ZMAT4: variants seen among roughly 807,000 people sequenced by gnomAD.
ZMAT4 encodes zinc finger matrin-type protein 4.
Under a neutral mutation model 28.7 loss-of-function variants are expected in ZMAT4, and 17 were observed. The ratio of observed to expected loss-of-function variants is 0.59; its 90% confidence interval spans 0.41 to 0.89. The LOEUF (loss-of-function observed/expected upper bound fraction) is 0.89, where lower values mean the gene tolerates loss of function less well. Among genes scored for constraint, ZMAT4 ranks in the 40% least tolerant of loss-of-function variants. ZMAT4 has a pLI of 0.00. For synonymous variants in ZMAT4, 117 were observed against 109.2 expected, an observed-to-expected ratio of 1.07 and a Z score of -0.44; for missense variants, 240 against 283.8, an observed-to-expected ratio of 0.85 and a Z score of 1.11.
chr8:40,888,227 C>T (rs1258307208), intron 1 of ZMAT4, among the ~76,000 whole-genome samples: 3 of 152,228 alleles, frequency 2.0e-5, no homozygotes, highest in African/African-American at 4.8e-5. Flanking sequence ...GGAAGCCCTT[C>T]TCCATGACAG....
chr8:40,861,381 C>T (rs566567205), intron 1 of ZMAT4, among the ~76,000 whole-genome samples: 1 of 152,280 alleles, frequency 6.6e-6, no homozygotes, highest in East Asian at 1.9e-4. Context: ...ATGTAGAAAG[C>T]TGAAACTGGA....
intron 6 of ZMAT4, among the ~76,000 whole-genome samples, chr8:40,580,488 A>T (rs72636928): frequency 0.22 from 33,962 of 152,100 alleles, 4,454 homozygotes; most frequent in Non-Finnish European, 0.3. Context: ...GAAAATTACA[A>T]CTTTTTGAGA....
At chr8:40,763,158 G>A (rs528300492) in intron 3 of ZMAT4, among the ~76,000 whole-genome samples, 3 of 152,256 alleles carry the variant, frequency 2.0e-5, no homozygotes, top group Admixed American at 1.3e-4. Flanking sequence ...GCTGCATTGA[G>A]ATACAGGGTC....
At chr8:40,811,322 G>A (rs1176619117) in intron 2 of ZMAT4, among the ~76,000 whole-genome samples, 1 of 152,204 alleles carries the variant, frequency 6.6e-6, no homozygotes, top group Non-Finnish European at 1.5e-5. Context: ...CCCAGACCCA[G>A]GGCTGGGTAT....
chr8:40,767,588 C>T, intron 3 of ZMAT4, 53 bp downstream of exon 3: 1 of 1,501,812 alleles, frequency 6.7e-7, no homozygotes, highest in Non-Finnish European at 9.1e-7. Context: ...CTGCAAAGTT[C>T]TCAGTACACA....
At chr8:40,729,333 C>G (rs1398762087) in intron 3 of ZMAT4, among the ~76,000 whole-genome samples, 2 of 152,132 alleles carry the variant, frequency 1.3e-5, no homozygotes, top group Non-Finnish European at 2.9e-5. Context: ...GTGTATTGTG[C>G]TGACCTTTAA....
chr8:40,732,857 T>TC, intron 3 of ZMAT4, among the ~76,000 whole-genome samples: 1 of 146,040 alleles, frequency 6.8e-6, no homozygotes, highest in East Asian at 2.0e-4. Flanking sequence ...TTTTTTTTTT[T>TC]TTTTTGAGTT....
intron 2 of ZMAT4, among the ~76,000 whole-genome samples, chr8:40,776,810 T>C (rs1432198558): frequency 6.6e-6 from 1 of 152,072 alleles, no homozygotes; most frequent in Non-Finnish European, 1.5e-5. Flanking sequence ...CAGTTTCTGA[T>C]GTCTCAGGTT....
intron 3 of ZMAT4, among the ~76,000 whole-genome samples, chr8:40,743,771 G>A (rs983927425): frequency 4.6e-5 from 7 of 152,168 alleles, no homozygotes; most frequent in African/African-American, 9.7e-5. Context: ...ACTGGGGCAC[G>A]GGGAAGGAGC....
At chr8:40,884,088 C>A (rs1044940161) in intron 1 of ZMAT4, among the ~76,000 whole-genome samples, 1 of 152,170 alleles carries the variant, frequency 6.6e-6, no homozygotes, top group East Asian at 1.9e-4. Flanking sequence ...CTCCACCACC[C>A]GCTGGACTGA....
intron 4 of ZMAT4, among the ~76,000 whole-genome samples, chr8:40,676,884 T>G (rs1585862735): frequency 6.6e-6 from 1 of 152,250 alleles, no homozygotes; most frequent in East Asian, 1.9e-4. Flanking sequence ...CTGCTATGAC[T>G]TAGAAATAAA....
At chr8:40,728,458 C>T (rs1811396216) in intron 3 of ZMAT4, among the ~76,000 whole-genome samples, 2 of 152,188 alleles carry the variant, frequency 1.3e-5, no homozygotes, top group South Asian at 4.1e-4. Flanking sequence ...ACCTGAGCAT[C>T]ACTGGTATTT....
intron 5 of ZMAT4, among the ~76,000 whole-genome samples, chr8:40,583,826 C>A (rs1268855770): frequency 6.6e-6 from 1 of 152,156 alleles, no homozygotes; most frequent in East Asian, 1.9e-4. Flanking sequence ...CAAAAGGCTG[C>A]ATTCTTTTGA....
At chr8:40,716,948 G>A (rs114647474) in intron 3 of ZMAT4, among the ~76,000 whole-genome samples, 12 of 152,248 alleles carry the variant, frequency 7.9e-5, no homozygotes, top group Admixed American at 2.0e-4. Context: ...TTCCCTGGAC[G>A]CTAGCATACC....
intron 3 of ZMAT4, among the ~76,000 whole-genome samples, chr8:40,732,126 T>C (rs970425741): frequency 7.2e-5 from 11 of 151,848 alleles, no homozygotes; most frequent in Non-Finnish European, 1.3e-4. Flanking sequence ...ATGGAGAGAG[T>C]TCTAGAGACA....
intron 6 of ZMAT4, among the ~76,000 whole-genome samples, chr8:40,551,902 T>C (rs1803379499): frequency 6.6e-6 from 1 of 152,176 alleles, no homozygotes; most frequent in Non-Finnish European, 1.5e-5. Flanking sequence ...CCCAGAGCAC[T>C]AATTTCTTAT....
chr8:40,874,059 G>A (rs1265813326), intron 1 of ZMAT4, among the ~76,000 whole-genome samples: 1 of 152,152 alleles, frequency 6.6e-6, no homozygotes, highest in African/African-American at 2.4e-5. Flanking sequence ...TTTCCGCCAG[G>A]AACACACACT....
At chr8:40,756,345 G>A (rs1014036418) in intron 3 of ZMAT4, among the ~76,000 whole-genome samples, 2 of 146,944 alleles carry the variant, frequency 1.4e-5, no homozygotes, top group Non-Finnish European at 3.0e-5. Context: ...CAGCTTCCAT[G>A]GAGAAACACA....
At chr8:40,788,455 G>T (rs1397918355) in intron 2 of ZMAT4, among the ~76,000 whole-genome samples, 2 of 152,006 alleles carry the variant, frequency 1.3e-5, no homozygotes, top group Non-Finnish European at 2.9e-5. Context: ...CGTGGTGGCG[G>T]GTGCCTGTAG....
Sources: gnomAD v4.1 joint callset for allele counts (sites outside exome capture counted in the v4.1 genomes callset) on GRCh38, gnomAD v4.1.1 for gene constraint, MANE v1.5 for transcripts, NCBI Gene and HGNC (gene_info 2026-07-23, HGNC 2026-07-21) for gene names.